The following PGAP3 variants were observed in gnomAD, a reference collection of about 807,000 sequenced individuals.
The protein encoded by PGAP3 is post-GPI attachment to proteins phospholipase 3.
In PGAP3, 31 loss-of-function variants were observed where a neutral mutation model predicts 40.3. The observed-to-expected ratio is 0.77, with a 90% confidence interval of 0.58 to 1.04. The LOEUF is 1.04. PGAP3 is among the 50% of genes least tolerant of loss of function. PGAP3 has a pLI of 0.00. For synonymous variants in PGAP3, 191 were observed against 184.5 expected (o/e 1.04, Z -0.29); for missense variants, 413 against 423.0 (o/e 0.98, Z 0.21).
intron 3 of PGAP3, among the ~76,000 whole-genome samples, chr17:39,681,171 CA>C (rs1279591483): frequency 6.6e-6 from 1 of 152,136 alleles, no homozygotes; most frequent in Non-Finnish European, 1.5e-5. Context: ...CGGCCTCCAT[CA>C]CTGTCTTATA....
In PGAP3 at chr17:39,671,579, G is replaced by A. The variant is rs1038076446; in HGVS notation, c.*1224C>T. 1.3e-5 allele frequency: 2 copies of A among 152,482 alleles called. No homozygotes were observed. Among genetic ancestry groups the A allele is most frequent in the African/African-American group, 4.8e-5 (2 of 41,468 alleles). 9.4% of individuals were successfully genotyped at this position (152,482 alleles called of 1,614,324 possible). ...GGCTATGGCAAAGGGGCTGGCAGCA[G>A]GGGAATGGAGGTTTTGGAGGGGAAG... On this transcript the variant is annotated 3_prime_UTR_variant, in exon 8 of 8. Transcript: ENST00000300658.
intron 3 of PGAP3, among the ~76,000 whole-genome samples, chr17:39,675,948 C>A (rs529387933): frequency 6.6e-6 from 1 of 152,292 alleles, no homozygotes; most frequent in East Asian, 1.9e-4. Flanking sequence ...TCCCCCGGGA[C>A]AAATCATGGC....
chr17:39,686,489 C>T (rs962144050), intron 1 of PGAP3, among the ~76,000 whole-genome samples: 12 of 150,920 alleles, frequency 8.0e-5, no homozygotes, highest in Non-Finnish European at 1.5e-4. Context: ...CTCCCAACCT[C>T]AGGTTATCTG....
intron 1 of PGAP3, 65 bp downstream of exon 1, chr17:39,687,769 T>C: frequency 1.6e-6 from 2 of 1,225,892 alleles, no homozygotes; most frequent in Admixed American, 4.0e-5. Context: ...TGCAGAGGCG[T>C]ATTGGGGGCG....
intron 3 of PGAP3, among the ~76,000 whole-genome samples, chr17:39,680,074 A>G (rs1205982690): frequency 1.3e-5 from 2 of 151,978 alleles, no homozygotes; most frequent in Non-Finnish European, 2.9e-5. Flanking sequence ...ACCTCCCACT[A>G]TGCTTAGCTC....
chr17:39,684,688 T>C lies in PGAP3; in HGVS notation c.341A>G (p.Asn114Ser). 4 of 1,613,736 alleles carry C rather than the reference T, an allele frequency of 2.5e-6. No homozygotes were observed. The highest frequency in any genetic ancestry group is 3.4e-6 in the Non-Finnish European group (4 of 1,179,846). ...EPASAVASFL[N>S]GLASLVMLCR... ...GAGCATCACCAGGCTGGCCAGGCCA[T>C]TGAGAAACGAGGCCACGGCCGATGC... The change falls in exon 3 of 8, where the codon AAT becomes AGT. Residue 114 changes from asparagine to serine, a missense_variant. Coordinates refer to ENST00000300658, the MANE Select transcript of PGAP3 (RefSeq NM_033419.5).
intron 3 of PGAP3, among the ~76,000 whole-genome samples, chr17:39,681,604 G>A (rs1226550144): frequency 6.6e-6 from 1 of 152,094 alleles, no homozygotes; most frequent in Non-Finnish European, 1.5e-5. Context: ...CGCCTTCCGG[G>A]TTCAAGTGAT....
chr17:39,682,085 G>A (rs2145132229), intron 3 of PGAP3, among the ~76,000 whole-genome samples: 2 of 151,594 alleles, frequency 1.3e-5, no homozygotes, highest in Middle Eastern at 6.8e-3. Context: ...AATTAGCCAG[G>A]TGTGGTGGTG....
chr17:39,671,511 TCC>T lies in PGAP3; in HGVS notation c.*1290_*1291del, dbSNP rs1438265622. ...AAACCAGACCCAGCCATAAGCTTTCTCCCCTTCTCCCTCAAATCGCCCCTTCC... is the reference window on the plus strand; with the variant it reads ...AAACCAGACCCAGCCATAAGCTTTCTCCTTCTCCCTCAAATCGCCCCTTCC... On this transcript the variant is annotated 3_prime_UTR_variant, in exon 8 of 8. Coordinates refer to ENST00000300658, the MANE Select transcript of PGAP3 (RefSeq NM_033419.5). The T allele has an allele frequency of 6.6e-6, 1 of 152,392 alleles. No homozygotes were observed. The highest frequency in any genetic ancestry group is 1.5e-5 in the Non-Finnish European group (1 of 68,114). 9.4% of individuals were successfully genotyped at this position (152,392 alleles called of 1,614,324 possible). A position where few individuals can be genotyped will look rare whatever the true frequency, so the allele number is the denominator to read the frequency against.
At position 39,686,018 on chromosome 17, in the gene PGAP3, G is replaced by C; in HGVS notation, c.183C>G (p.Gly61=). 1.2e-6 allele frequency: 2 copies of C among 1,611,746 alleles called. No homozygotes were observed. The highest frequency in any genetic ancestry group is 1.7e-6 in the Non-Finnish European group (2 of 1,178,498). The change falls in exon 2 of 8, where the codon GGC becomes GGG. Residue 61 remains glycine, a splice_region_variant and synonymous_variant. Coordinates refer to ENST00000300658, the MANE Select transcript of PGAP3 (RefSeq NM_033419.5). ...SRQPIYMSLA[G]WTCRDDCKYE... is the part of the protein sequence containing the mutation. ...ACTTACAGTCGTCCCGACAGGTCCA[G>C]CCTGAAACAGACAAATGTGGCCTGG... is the stretch of plus-strand genomic sequence containing the variant.
chr17:39,675,982 C>T lies in PGAP3; in HGVS notation c.433-1303G>A, dbSNP rs533628026. On this transcript the variant is annotated intron_variant, in intron 3 of 7. Transcript: ENST00000300658. ...GCTCAAGTGAAACTTCAGTTCCTTTCCAGCCTGGCGTTAGGTGGTGTGGTC... is the reference window on the plus strand; with the variant it reads ...GCTCAAGTGAAACTTCAGTTCCTTTTCAGCCTGGCGTTAGGTGGTGTGGTC... 3.9e-4 allele frequency among the ~76,000 whole-genome samples: 59 copies of T among 152,312 alleles called. 1 individual carries two copies. The highest frequency in any genetic ancestry group is 2.9e-5 in the Non-Finnish European group (2 of 68,030).
intron 3 of PGAP3, among the ~76,000 whole-genome samples, chr17:39,675,383 C>T (rs946915349): frequency 5.9e-5 from 9 of 152,316 alleles, no homozygotes; most frequent in Non-Finnish European, 8.8e-5. Context: ...AGTTATCTAG[C>T]GAATGAGCCT....
In PGAP3 at chr17:39,671,136, GATTT is replaced by G. The variant is rs978527151; in HGVS notation, c.*1663_*1666del. 3.3e-5 allele frequency: 5 copies of G among 152,376 alleles called. No individual in the cohort carries two copies. The highest frequency in any genetic ancestry group is 9.7e-5 in the African/African-American group (4 of 41,448). 9.4% of individuals were successfully genotyped at this position (152,376 alleles called of 1,614,324 possible). ...ACAAGGGCAGGTGAGGCTTGGAATT[GATTT>G]ATTAAGCACATCCCTTGCCACCCTC... On this transcript the variant is annotated 3_prime_UTR_variant, in exon 8 of 8. Coordinates refer to ENST00000300658, the MANE Select transcript of PGAP3 (RefSeq NM_033419.5).
rs375696548 is a variant in PGAP3 at position 39,679,830 on chromosome 17, T to C, written c.432+4767A>G. On this transcript the variant is annotated intron_variant, in intron 3 of 7. Coordinates refer to ENST00000300658, the MANE Select transcript of PGAP3 (RefSeq NM_033419.5). Reference sequence around the variant, plus strand: ...CAGCTACAATGGGGCCAAGGTTTCCTGGAATGCTGGAATTCAATCCCCTGT... The same window carrying C: ...CAGCTACAATGGGGCCAAGGTTTCCCGGAATGCTGGAATTCAATCCCCTGT... 1.7e-4 allele frequency among the ~76,000 whole-genome samples: 26 copies of C among 152,320 alleles called. No homozygotes were observed. In the East Asian group the frequency reaches 3.7e-3, roughly 21 times the overall value.
intron 5 of PGAP3, 113 bp downstream of exon 5, chr17:39,673,879 TG>T: frequency 7.5e-7 from 1 of 1,336,890 alleles, no homozygotes; most frequent in South Asian, 1.3e-5. Context: ...TGTTGGGGGT[TG>T]GGGGGCGTAG....
rs1297453198 is a variant in PGAP3, at chr17:39,671,530, G to C, written c.*1273C>G. The C allele has an allele frequency of 2.6e-5, 4 of 152,390 alleles. No individual in the cohort carries two copies. Among genetic ancestry groups the C allele is most frequent in the Non-Finnish European group, 4.4e-5 (3 of 68,120 alleles). 9.4% of individuals were successfully genotyped at this position (152,390 alleles called of 1,614,324 possible). A position where few individuals can be genotyped will look rare whatever the true frequency, so the allele number is the denominator to read the frequency against. ...GCTTTCTCCCCTTCTCCCTCAAATC[G>C]CCCCTTCCTCCTCCCCAAAATCAGG... On this transcript the variant is annotated 3_prime_UTR_variant, in exon 8 of 8. Coordinates refer to ENST00000300658, the MANE Select transcript of PGAP3 (RefSeq NM_033419.5).
chr17:39,685,225 C>A (rs865799713), intron 2 of PGAP3, among the ~76,000 whole-genome samples: 4 of 151,746 alleles, frequency 2.6e-5, no homozygotes, highest in African/African-American at 9.7e-5. Flanking sequence ...CGCCTGTAAT[C>A]CCAGCACTTT....
Position 39,687,982 on chromosome 17 carries a change from T to C in PGAP3, c.33A>G (p.Leu11=), listed in dbSNP as rs998225576. Residue 11 remains leucine, a synonymous_variant, in exon 1 of 8, where the codon CTA becomes CTG. Transcript: ENST00000300658. MAGLAARLVL[L]AGAAALASGS... is the part of the protein sequence containing the mutation. Reference sequence around the variant, plus strand: ...CGCTCGCCAGCGCCGCTGCCCCAGCTAGCAGGACCAACCGCGCCGCCAGGC... The same window carrying C: ...CGCTCGCCAGCGCCGCTGCCCCAGCCAGCAGGACCAACCGCGCCGCCAGGC... The C allele has an allele frequency of 1.4e-6, 2 of 1,452,434 alleles. No individual in the cohort carries two copies. The highest frequency in any genetic ancestry group is 1.8e-6 in the Non-Finnish European group (2 of 1,086,724). The allele number at this position is 1,452,434 out of a possible 1,614,324, so 90.0% of individuals were successfully genotyped here. A position where few individuals can be genotyped will look rare whatever the true frequency, so the allele number is the denominator to read the frequency against.
At chr17:39,686,062 G>A in intron 1 of PGAP3, 43 bp from the exon 2 acceptor site, 1 of 1,551,396 alleles carries the variant, frequency 6.4e-7, no homozygotes, top group Non-Finnish European at 8.9e-7. Context: ...CCAGCACAGA[G>A]AGGAAAGAGA....
Sources: gnomAD v4.1 joint callset for allele counts (sites outside exome capture counted in the v4.1 genomes callset) on GRCh38, gnomAD v4.1.1 for gene constraint, MANE v1.5 for transcripts, NCBI Gene and HGNC (gene_info 2026-07-23, HGNC 2026-07-21) for gene names.